The following PDE1C variants were observed in gnomAD, a reference collection of about 807,000 sequenced individuals.
PDE1C encodes the protein dual specificity calcium/calmodulin-dependent 3',5'-cyclic nucleotide phosphodiesterase 1C.
PDE1C carries 62 observed loss-of-function variants against 93.1 expected under a neutral mutation model. The observed-to-expected ratio is 0.67, with a 90% CI of 0.54 to 0.82. The LOEUF (loss-of-function observed/expected upper bound fraction) is 0.82, where lower values mean the gene tolerates loss of function less well. Among genes scored for constraint, PDE1C ranks in the 40% least tolerant of loss-of-function variants. The probability of loss-of-function intolerance (pLI) is 0.00; values close to 1 mark genes in which losing one functional copy is unlikely to be tolerated. For synonymous variants in PDE1C, 325 were observed against 310.1 expected, an observed-to-expected ratio of 1.05 and a Z score of -0.50; for missense variants, 742 against 884.6, an observed-to-expected ratio of 0.84 and a Z score of 2.04.
the PDE1C span, among the ~76,000 whole-genome samples, chr7:31,683,687 C>T: frequency 6.6e-6 from 1 of 152,168 alleles, no homozygotes; most frequent in Non-Finnish European, 1.5e-5. Context: ...TTCCCCCTCC[C>T]TGAATTGAGA....
the PDE1C span, among the ~76,000 whole-genome samples, chr7:31,671,503 T>C: frequency 1.4e-4 from 22 of 152,198 alleles, no homozygotes; most frequent in African/African-American, 5.3e-4. Context: ...CACTCATTGC[T>C]TTATGCCATG....
rs75728260 is a variant in PDE1C, at chr7:32,285,152, G to A, written c.85+13499C>T. The stretch of plus-strand genomic sequence containing the variant: ...AAATCCTTAACAAACTCTCCATTTG[G>A]TTTTTATGCAGCCAGCCCTGTTGCT... On this transcript the variant is annotated intron_variant, in intron 1 of 18. Transcript: ENST00000396193. Among the ~76,000 whole-genome samples, 12 of 152,282 alleles carry A rather than the reference G, an allele frequency of 7.9e-5. No individual in the cohort carries two copies. The East Asian group carries it at 2.1e-3, about 27-fold the overall frequency.
chr7:32,105,227 T>C (rs1336413504), intron 3 of PDE1C, among the ~76,000 whole-genome samples: 3 of 152,168 alleles, frequency 2.0e-5, no homozygotes, highest in Non-Finnish European at 4.4e-5. Flanking sequence ...ATGAGATAAT[T>C]TTCTTTTTTT....
chr7:32,024,396 CAT>C (rs914035304), intron 2 of PDE1C, among the ~76,000 whole-genome samples: 9 of 147,464 alleles, frequency 6.1e-5, no homozygotes, highest in African/African-American at 2.1e-4. Flanking sequence ...TCTCAATATA[CAT>C]ATGTGTGTGT....
At chr7:31,692,439 T>C in the PDE1C span, 2 of 1,604,096 alleles carry the variant, frequency 1.2e-6, no homozygotes, top group East Asian at 2.2e-5. Flanking sequence ...CCACCCTCCT[T>C]TGATGATGTC....
At chr7:32,303,153 GA>G (rs1441979112), upstream of PDE1C, among the ~76,000 whole-genome samples, 2 of 152,152 alleles carry the variant, frequency 1.3e-5, no homozygotes, top group Non-Finnish European at 2.9e-5. Flanking sequence ...GCTGGTATCT[GA>G]AAATCAGCTC....
At chr7:32,344,181 C>T (rs1384581027) in intron 1 of PDE1C, among the ~76,000 whole-genome samples, 1 of 152,148 alleles carries the variant, frequency 6.6e-6, no homozygotes, top group African/African-American at 2.4e-5. Context: ...TCAAGGAATC[C>T]TTCTGCTTCA....
intron 2 of PDE1C, among the ~76,000 whole-genome samples, chr7:31,995,337 C>G (rs767324204): frequency 6.6e-6 from 1 of 152,070 alleles, no homozygotes; most frequent in Non-Finnish European, 1.5e-5. Flanking sequence ...GAGTCCATTA[C>G]GCAATTTTTG....
chr7:32,356,756 T>C (rs1388290267), intron 1 of PDE1C, among the ~76,000 whole-genome samples: 1 of 152,194 alleles, frequency 6.6e-6, no homozygotes, highest in Non-Finnish European at 1.5e-5. Flanking sequence ...CCTTGATTTT[T>C]CAGATTTATA....
At chr7:32,086,673 C>G (rs1341227365) in intron 3 of PDE1C, among the ~76,000 whole-genome samples, 2 of 152,138 alleles carry the variant, frequency 1.3e-5, no homozygotes, top group Non-Finnish European at 2.9e-5. Flanking sequence ...ATCAATGGAA[C>G]AGAACAGAGC....
intron 1 of PDE1C, among the ~76,000 whole-genome samples, chr7:32,282,407 T>C (rs1472986529): frequency 8.1e-5 from 12 of 147,438 alleles, no homozygotes; most frequent in Non-Finnish European, 1.6e-4. Flanking sequence ...ACCCAGGAAG[T>C]GGAGGTTGCA....
At chr7:31,811,743 G>A (rs3807617) in intron 15 of PDE1C, among the ~76,000 whole-genome samples, 3,809 of 152,148 alleles carry the variant, frequency 0.025, 59 homozygotes, top group East Asian at 0.067. Flanking sequence ...CCCTTTGCTG[G>A]TTGCTAACCA....
At chr7:32,274,145 C>A (rs1811139389) in intron 1 of PDE1C, among the ~76,000 whole-genome samples, 2 of 151,668 alleles carry the variant, frequency 1.3e-5, no homozygotes, top group South Asian at 4.2e-4. Flanking sequence ...ACATTTCATT[C>A]AAATGAAATT....
intron 1 of PDE1C, among the ~76,000 whole-genome samples, chr7:32,237,058 T>C (rs1808140433): frequency 6.6e-6 from 1 of 151,270 alleles, no homozygotes; most frequent in African/African-American, 2.4e-5. Context: ...GGTTACATAC[T>C]GCATGAATCT....
chr7:31,630,001 C>G, the PDE1C span, among the ~76,000 whole-genome samples: 1 of 151,792 alleles, frequency 6.6e-6, no homozygotes, highest in Non-Finnish European at 1.5e-5. Flanking sequence ...CACACACACA[C>G]AAAATTGCTA....
At chr7:31,943,553 T>C (rs1001924419) in intron 2 of PDE1C, among the ~76,000 whole-genome samples, 2 of 152,208 alleles carry the variant, frequency 1.3e-5, no homozygotes, top group Non-Finnish European at 2.9e-5. Flanking sequence ...AACCTAACAT[T>C]GTTACTCAAA....
intron 1 of PDE1C, among the ~76,000 whole-genome samples, chr7:32,425,922 G>A (rs929284367): frequency 1.3e-5 from 2 of 151,978 alleles, no homozygotes; most frequent in African/African-American, 4.8e-5. Context: ...TGCTCTGGAT[G>A]ACAGAGCAAG....
chr7:31,698,139 C>G, the PDE1C span, among the ~76,000 whole-genome samples: 2 of 152,172 alleles, frequency 1.3e-5, no homozygotes, highest in Admixed American at 6.5e-5. Flanking sequence ...AGAAGAAACA[C>G]TCTGGGGAGA....
At chr7:32,145,481 G>C (rs1800783211) in intron 3 of PDE1C, among the ~76,000 whole-genome samples, 1 of 152,068 alleles carries the variant, frequency 6.6e-6, no homozygotes, top group African/African-American at 2.4e-5. Flanking sequence ...TCCCGTCTGA[G>C]CAAAGCTCCC....
Sources: gnomAD v4.1 joint callset for allele counts (sites outside exome capture counted in the v4.1 genomes callset) on GRCh38, gnomAD v4.1.1 for gene constraint, MANE v1.5 for transcripts, NCBI Gene and HGNC (gene_info 2026-07-23, HGNC 2026-07-21) for gene names.